RABL3: variants seen among roughly 807,000 people sequenced by gnomAD.
The protein encoded by RABL3 is rab-like protein 3.
In RABL3, 31 loss-of-function variants were observed where a neutral mutation model predicts 31.8. The observed-to-expected ratio is 0.97, with a 90% CI of 0.73 to 1.31. RABL3 has a LOEUF of 1.31. Among genes scored for constraint, RABL3 ranks in the 40% most tolerant of loss-of-function variants. RABL3 has a pLI of 0.00. For synonymous variants in RABL3, 97 were observed against 99.9 expected, an observed-to-expected ratio of 0.97 and a Z score of 0.18; for missense variants, 263 against 279.6, an observed-to-expected ratio of 0.94 and a Z score of 0.42.
chr3:120,685,803 A>G lies in RABL3; in HGVS notation c.*4020T>C, dbSNP rs1310003764. The stretch of plus-strand genomic sequence containing the variant: ...TTTCTTAAAGGCTAGATCCTGACTT[A>G]TCTGCATGAGAAAAATCTGGCTTGT... On this transcript the variant is annotated 3_prime_UTR_variant, in exon 8 of 8. Coordinates refer to ENST00000273375, the MANE Select transcript of RABL3 (RefSeq NM_173825.5). Among the ~76,000 whole-genome samples, 1 of 152,218 alleles carries G rather than the reference A, an allele frequency of 6.6e-6. No individual in the cohort carries two copies. Among genetic ancestry groups the G allele is most frequent in the Non-Finnish European group, 1.5e-5 (1 of 68,042 alleles).
intron 1 of RABL3, among the ~76,000 whole-genome samples, chr3:120,731,044 G>A (rs955965278): frequency 5.3e-5 from 8 of 152,188 alleles, no homozygotes; most frequent in South Asian, 2.1e-4. Context: ...CTGATTTAGC[G>A]GGTCTGTCTT....
chr3:120,730,697 C>CT lies in RABL3; in HGVS notation c.136dup (p.Arg46LysfsTer4), dbSNP rs1559822654. On this transcript the variant is annotated frameshift_variant and splice_region_variant, in exon 2 of 8. Transcript: ENST00000273375. LOFTEE classifies it high-confidence loss of function. The stretch of plus-strand genomic sequence containing the variant: ...AACTAAAATATAAAAGACACATACT[C>CT]TGACATCCACTGAGCAGCCCACAGT... 6.2e-7 allele frequency: 1 copy of CT among 1,606,592 alleles called. No individual in the cohort carries two copies.
At chr3:120,706,399 C>T (rs540947921) in intron 3 of RABL3, among the ~76,000 whole-genome samples, 1 of 152,174 alleles carries the variant, frequency 6.6e-6, no homozygotes, top group East Asian at 1.9e-4. Context: ...TTCCTGAGTG[C>T]CTACTCCATG....
At chr3:120,727,120 GA>G (rs1362301936) in intron 2 of RABL3, among the ~76,000 whole-genome samples, 2 of 152,060 alleles carry the variant, frequency 1.3e-5, no homozygotes, top group Non-Finnish European at 2.9e-5. Context: ...AAGTTAGAAA[GA>G]AGACACTAAA....
intron 4 of RABL3, among the ~76,000 whole-genome samples, chr3:120,702,098 T>C (rs891159355): frequency 1.3e-5 from 2 of 152,206 alleles, no homozygotes; most frequent in Non-Finnish European, 2.9e-5. Flanking sequence ...ACACGAATAC[T>C]TGGAGATAGT....
Position 120,686,688 on chromosome 3 carries a change from G to C in RABL3, c.*3135C>G, listed in dbSNP as rs1443646388. On this transcript the variant is annotated 3_prime_UTR_variant, in exon 8 of 8. Coordinates refer to ENST00000273375, the MANE Select transcript of RABL3 (RefSeq NM_173825.5). ...CCTATAACGAAAGACAGATTATTGAGAAAAGCACACACATTTATTTACTGT... is the reference window on the plus strand; with the variant it reads ...CCTATAACGAAAGACAGATTATTGACAAAAGCACACACATTTATTTACTGT... The C allele has an allele frequency of 6.6e-6, 1 of 152,148 alleles. No homozygotes were observed. The highest frequency in any genetic ancestry group is 2.4e-5 in the African/African-American group (1 of 41,438). The allele number at this position is 152,148 out of a possible 1,614,324, so 9.4% of individuals were successfully genotyped here.
intron 2 of RABL3, among the ~76,000 whole-genome samples, chr3:120,729,249 AATTTACATTATCTAG>A (rs1431316485): frequency 3.2e-4 from 48 of 152,188 alleles, no homozygotes; most frequent in Non-Finnish European, 1.5e-5. Flanking sequence ...ATGCTGGAGG[AATTTACATTATCTAG>A]ATTTACATTA....
intron 3 of RABL3, among the ~76,000 whole-genome samples, chr3:120,708,209 T>C (rs1192381776): frequency 6.6e-6 from 1 of 151,756 alleles, no homozygotes; most frequent in Non-Finnish European, 1.5e-5. Flanking sequence ...TTTCAATAAA[T>C]GCAGTTTTTT....
chr3:120,727,773 C>T (rs759361310), intron 2 of RABL3, among the ~76,000 whole-genome samples: 18 of 152,042 alleles, frequency 1.2e-4, no homozygotes, highest in Non-Finnish European at 2.5e-4. Context: ...TACAGGATTG[C>T]AAGGTTGGTT....
At chr3:120,733,596 T>C (rs1479321537) in intron 1 of RABL3, among the ~76,000 whole-genome samples, 4 of 152,226 alleles carry the variant, frequency 2.6e-5, no homozygotes, top group African/African-American at 9.6e-5. Context: ...TTTGTTGCCA[T>C]TGCTTTTGGT....
rs543681771 is a variant in RABL3 at position 120,720,297 on chromosome 3, C to T, written c.139-10388G>A. On this transcript the variant is annotated intron_variant, in intron 2 of 7. Coordinates refer to ENST00000273375, the MANE Select transcript of RABL3 (RefSeq NM_173825.5). ...GAGTGCCTCTCCTCCTCCAAAGGAA[C>T]GCAGCTCATCACCGACAATGGAGCA... Among the ~76,000 whole-genome samples the T allele has an allele frequency of 1.1e-4, 17 of 152,292 alleles. No individual in the cohort carries two copies. The South Asian group carries it at 2.3e-3, about 20-fold the overall frequency.
intron 2 of RABL3, among the ~76,000 whole-genome samples, chr3:120,719,748 G>T (rs1708714544): frequency 6.6e-6 from 1 of 152,216 alleles, no homozygotes; most frequent in African/African-American, 2.4e-5. Flanking sequence ...AGGCCTGCCT[G>T]CCTCTGTAGA....
At chr3:120,701,156 C>T (rs1161646897) in intron 4 of RABL3, among the ~76,000 whole-genome samples, 2 of 152,072 alleles carry the variant, frequency 1.3e-5, no homozygotes, top group Non-Finnish European at 2.9e-5. Flanking sequence ...TATATATTCT[C>T]TGCATTTTGA....
At chr3:120,734,432 G>T (rs1005233825) in intron 1 of RABL3, among the ~76,000 whole-genome samples, 2 of 152,176 alleles carry the variant, frequency 1.3e-5, no homozygotes, top group African/African-American at 4.8e-5. Context: ...ATCAGCTTAC[G>T]GAGATTTTGG....
chr3:120,707,965 A>C (rs1250836939), intron 3 of RABL3, among the ~76,000 whole-genome samples: 1 of 152,084 alleles, frequency 6.6e-6, no homozygotes, highest in Non-Finnish European at 1.5e-5. Flanking sequence ...AGAAGTAAAG[A>C]CACTTCATTA....
intron 2 of RABL3, among the ~76,000 whole-genome samples, chr3:120,719,438 T>C (rs1708709579): frequency 6.6e-6 from 1 of 152,152 alleles, no homozygotes; most frequent in Non-Finnish European, 1.5e-5. Context: ...GTCAGGGAAT[T>C]CCCCTTCCTA....
At chr3:120,701,598 G>A (rs1465814272) in intron 4 of RABL3, among the ~76,000 whole-genome samples, 4 of 152,174 alleles carry the variant, frequency 2.6e-5, no homozygotes, top group Non-Finnish European at 4.4e-5. Flanking sequence ...AGACATCAGT[G>A]ATGAAAGGAA....
intron 2 of RABL3, among the ~76,000 whole-genome samples, chr3:120,718,343 C>T (rs796547049): frequency 5.9e-5 from 9 of 152,294 alleles, no homozygotes; most frequent in African/African-American, 2.2e-4. Context: ...TACTCCTCTA[C>T]CCTTATATTA....
intron 6 of RABL3, among the ~76,000 whole-genome samples, chr3:120,691,846 A>T (rs1286788111): frequency 6.6e-6 from 1 of 152,182 alleles, no homozygotes; most frequent in Non-Finnish European, 1.5e-5. Context: ...TGCCACAGCC[A>T]TTCATCCAGA....
Sources: gnomAD v4.1 joint callset for allele counts (sites outside exome capture counted in the v4.1 genomes callset) on GRCh38, gnomAD v4.1.1 for gene constraint, MANE v1.5 for transcripts, NCBI Gene and HGNC (gene_info 2026-07-23, HGNC 2026-07-21) for gene names.